The following MTSS1 variants were observed in gnomAD, a reference collection of about 807,000 sequenced individuals.
MTSS1 encodes the protein MTSS I-BAR domain containing 1.
MTSS1 carries 18 observed loss-of-function variants against 79.0 expected under a neutral mutation model. That is an observed-to-expected ratio of 0.23 (90% CI 0.16 to 0.34). MTSS1 has a LOEUF of 0.34. Ranked by LOEUF, MTSS1 falls within the 10% of genes least tolerant of loss-of-function variation. The pLI is 1.00. For missense variants in MTSS1, 815 were observed against 986.2 expected (o/e 0.83, Z 2.33); for synonymous variants, 341 against 368.6 (o/e 0.93, Z 0.86).
At chr8:124,569,782 A>G (rs1250167363) in intron 6 of MTSS1, among the ~76,000 whole-genome samples, 1 of 152,208 alleles carries the variant, frequency 6.6e-6, no homozygotes, top group East Asian at 1.9e-4. Context: ...AATTGGGCCA[A>G]TCTGCTCATG....
intron 3 of MTSS1, among the ~76,000 whole-genome samples, chr8:124,651,421 C>T (rs1248801145): frequency 6.6e-6 from 1 of 151,914 alleles, no homozygotes; most frequent in African/African-American, 2.4e-5. Flanking sequence ...CTCTACCTAC[C>T]TATGGCTACC....
chr8:124,601,525 G>C (rs992335564), intron 3 of MTSS1, among the ~76,000 whole-genome samples: 5 of 152,224 alleles, frequency 3.3e-5, no homozygotes, highest in African/African-American at 1.2e-4. Context: ...GCTCATGGCA[G>C]GTTGTAATAT....
At chr8:124,625,269 C>A (rs546297355) in intron 3 of MTSS1, among the ~76,000 whole-genome samples, 1 of 152,138 alleles carries the variant, frequency 6.6e-6, no homozygotes, top group Non-Finnish European at 1.5e-5. Context: ...GAACTCTGTA[C>A]CTGCTTTGTA....
Position 124,680,729 on chromosome 8 carries a change from T to A in MTSS1, c.208+18797A>T, listed in dbSNP as rs192919527. On this transcript the variant is annotated intron_variant, in intron 3 of 13. Coordinates refer to ENST00000518547, the MANE Select transcript of MTSS1 (RefSeq NM_014751.6). ...TAGAGAAACTTAACAACCTATTACATGTGTCAGAGAACATTCACTGTTGCC... is the reference window on the plus strand; with the variant it reads ...TAGAGAAACTTAACAACCTATTACAAGTGTCAGAGAACATTCACTGTTGCC... 2.6e-5 allele frequency among the ~76,000 whole-genome samples: 4 copies of A among 152,332 alleles called. No homozygotes were observed. The East Asian group carries it at 7.7e-4, about 29-fold the overall frequency.
In MTSS1 at chr8:124,601,960, GAA is replaced by G. The variant is rs1833899848; in HGVS notation, c.209-10727_209-10726del. Among the ~76,000 whole-genome samples the G allele has an allele frequency of 2.0e-5, 3 of 151,984 alleles. 1 individual carries two copies. Among genetic ancestry groups the G allele is most frequent in the Admixed American group, 2.0e-4 (3 of 15,266 alleles). ...CCAAATGGCATCAGAGTGTGAACCT[GAA>G]TTCTAATAAGAGAAGAGGAAGCTCA... On this transcript the variant is annotated intron_variant, in intron 3 of 13. Coordinates refer to ENST00000518547, the MANE Select transcript of MTSS1 (RefSeq NM_014751.6).
At chr8:124,580,570 G>C (rs1443943605) in intron 6 of MTSS1, 1 of 1,535,904 alleles carries the variant, frequency 6.5e-7, no homozygotes. Flanking sequence ...CCACTGGCGG[G>C]GGGGCACACG....
chr8:124,665,867 CA>C (rs61669209), intron 3 of MTSS1, among the ~76,000 whole-genome samples: 1,667 of 102,876 alleles, frequency 0.016, 19 homozygotes, highest in African/African-American at 0.041. Flanking sequence ...AACTCCTTCT[CA>C]AAAAAAAAAA....
At chr8:124,625,908 C>A (rs564740041) in intron 3 of MTSS1, among the ~76,000 whole-genome samples, 1 of 152,306 alleles carries the variant, frequency 6.6e-6, no homozygotes, top group Admixed American at 6.5e-5. Context: ...GTCCCCACTG[C>A]CTCTCTCCCT....
chr8:124,573,450 T>C (rs1373007234), intron 6 of MTSS1, among the ~76,000 whole-genome samples: 1 of 152,214 alleles, frequency 6.6e-6, no homozygotes, highest in Non-Finnish European at 1.5e-5. Flanking sequence ...AGTTATTTGA[T>C]TGACGTCAGT....
intron 3 of MTSS1, among the ~76,000 whole-genome samples, chr8:124,664,323 G>T (rs1348862759): frequency 3.3e-5 from 5 of 152,168 alleles, no homozygotes; most frequent in Admixed American, 3.3e-4. Context: ...TTCCAGCGAG[G>T]CCCGTCTCTA....
chr8:124,662,337 A>G (rs1341871736), intron 3 of MTSS1, among the ~76,000 whole-genome samples: 3 of 152,200 alleles, frequency 2.0e-5, no homozygotes, highest in Non-Finnish European at 4.4e-5. Flanking sequence ...CACCAAGAAC[A>G]GTGATACGAA....
At chr8:124,613,868 G>A (rs759952410) in intron 3 of MTSS1, among the ~76,000 whole-genome samples, 2 of 152,170 alleles carry the variant, frequency 1.3e-5, no homozygotes, top group Non-Finnish European at 2.9e-5. Context: ...CCACAGCAAG[G>A]TTTAAAAGTT....
At chr8:124,644,872 C>T (rs1265511896) in intron 3 of MTSS1, among the ~76,000 whole-genome samples, 1 of 152,146 alleles carries the variant, frequency 6.6e-6, no homozygotes, top group Non-Finnish European at 1.5e-5. Context: ...GTGTCCACCC[C>T]TTAAGTCATT....
chr8:124,724,826 C>T (rs186627110), intron 1 of MTSS1, among the ~76,000 whole-genome samples: 6 of 152,280 alleles, frequency 3.9e-5, no homozygotes. Flanking sequence ...TTGATGCAGT[C>T]AAGATCGTCT....
Position 124,553,394 on chromosome 8 carries a change from G to T in MTSS1, c.1866C>A (p.Thr622=). 3.1e-6 allele frequency: 5 copies of T among 1,608,610 alleles called. No homozygotes were observed. Among genetic ancestry groups the T allele is most frequent in the Non-Finnish European group, 4.3e-6 (5 of 1,175,918 alleles). Reference sequence around the variant, plus strand: ...GCAACACCCCTGGGAGGTCTGGGACGGTTGGGGTCTTGACAGGGATCACGG... The same window carrying T: ...GCAACACCCCTGGGAGGTCTGGGACTGTTGGGGTCTTGACAGGGATCACGG... ...KTPVIPVKTP[T]VPDLPGVLPA... is the part of the protein sequence containing the mutation. The change falls in exon 14 of 14, where the codon ACC becomes ACA. Residue 622 remains threonine, a synonymous_variant. Transcript: ENST00000518547. This position sits in a 1 kb window ranked among gnomAD's most constrained non-coding sequence, Gnocchi z 6.0.
intron 6 of MTSS1, among the ~76,000 whole-genome samples, chr8:124,579,130 C>T (rs12546733): frequency 0.32 from 48,797 of 152,032 alleles, 9,293 homozygotes; most frequent in Non-Finnish European, 0.44. Context: ...TTTCTTTATT[C>T]ATTCCAAACT....
At chr8:124,613,849 T>C (rs2133349014) in intron 3 of MTSS1, among the ~76,000 whole-genome samples, 1 of 152,298 alleles carries the variant, frequency 6.6e-6, no homozygotes, top group South Asian at 2.1e-4. Flanking sequence ...TACATTAATT[T>C]GTTCTCAGCC....
intron 3 of MTSS1, among the ~76,000 whole-genome samples, chr8:124,686,049 CT>C (rs1826914535): frequency 6.6e-6 from 1 of 152,236 alleles, no homozygotes; most frequent in Admixed American, 6.5e-5. Flanking sequence ...TTATAAAATG[CT>C]TTCACAACTA....
chr8:124,690,586 T>C (rs11997474), intron 3 of MTSS1, among the ~76,000 whole-genome samples: 2,934 of 152,298 alleles, frequency 0.019, 90 homozygotes, highest in African/African-American at 0.066. Flanking sequence ...TTGACCACAA[T>C]GAACAATTCT....
Sources: allele counts gnomAD v4.1 joint callset (sites outside exome capture counted in the v4.1 genomes callset), GRCh38; gene constraint gnomAD v4.1.1; non-coding constraint Gnocchi (gnomAD v3.1); transcripts MANE v1.5; gene names NCBI Gene and HGNC (gene_info 2026-07-23, HGNC 2026-07-21).